Variants in STARD13 observed in about 807,000 individuals in gnomAD.
STARD13 encodes StAR related lipid transfer domain containing 13, also known as stAR-related lipid transfer protein 13.
In STARD13, 62 loss-of-function variants were observed where a neutral mutation model predicts 106.4. That is an observed-to-expected ratio of 0.58 (90% CI 0.48 to 0.72). The LOEUF (loss-of-function observed/expected upper bound fraction) is 0.72, where lower values mean the gene tolerates loss of function less well. Ranked by LOEUF, STARD13 falls within the 30% of genes least tolerant of loss-of-function variation. STARD13 has a pLI of 0.00. For synonymous variants in STARD13, 565 were observed against 553.0 expected, an observed-to-expected ratio of 1.02 and a Z score of -0.31; for missense variants, 1,387 against 1,424.0, an observed-to-expected ratio of 0.97 and a Z score of 0.42.
chr13:33,120,922 G>A (rs1876187620), intron 7 of STARD13, among the ~76,000 whole-genome samples: 2 of 152,094 alleles, frequency 1.3e-5, no homozygotes, highest in Admixed American at 1.3e-4. Flanking sequence ...ACATTTTTTA[G>A]TAGAGACAGG....
intron 1 of STARD13, among the ~76,000 whole-genome samples, chr13:33,255,499 T>C (rs1890318304): frequency 1.3e-5 from 2 of 151,976 alleles, no homozygotes; most frequent in South Asian, 4.2e-4. Context: ...TCTCCCAGCC[T>C]AGTAGATGTG....
At chr13:33,454,271 C>T in the STARD13 span, among the ~76,000 whole-genome samples, 1 of 152,170 alleles carries the variant, frequency 6.6e-6, no homozygotes, top group Non-Finnish European at 1.5e-5. Flanking sequence ...GGAATCTCCA[C>T]TGATCAGGCT....
the STARD13 span, among the ~76,000 whole-genome samples, chr13:33,613,118 T>C: frequency 6.6e-6 from 1 of 152,236 alleles, no homozygotes; most frequent in African/African-American, 2.4e-5. Context: ...CAAAAATGAA[T>C]AGGATGGTTC....
At chr13:33,429,367 C>T in the STARD13 span, among the ~76,000 whole-genome samples, 6 of 152,018 alleles carry the variant, frequency 3.9e-5, no homozygotes, top group Non-Finnish European at 7.4e-5. Context: ...GAGGCCGAGG[C>T]GGGCGGATCA....
the STARD13 span, among the ~76,000 whole-genome samples, chr13:33,359,110 C>T: frequency 2.0e-5 from 3 of 152,198 alleles, no homozygotes; most frequent in Admixed American, 1.3e-4. Context: ...CCAGCATTGG[C>T]AACCCGCTCA....
chr13:33,301,929 CAGAATTAT>C (rs1892736916), intron 1 of STARD13, among the ~76,000 whole-genome samples: 1 of 152,076 alleles, frequency 6.6e-6, no homozygotes, highest in African/African-American at 2.4e-5. Flanking sequence ...AAATTTTTCT[CAGAATTAT>C]AGCCCTTCCT....
intron 1 of STARD13, among the ~76,000 whole-genome samples, chr13:33,321,747 C>T (rs1251114609): frequency 6.6e-6 from 1 of 152,144 alleles, no homozygotes; most frequent in African/African-American, 2.4e-5. Flanking sequence ...TATTGCTGAA[C>T]ATCAGTCCAC....
chr13:33,141,545 C>T (rs1023884110), intron 4 of STARD13, among the ~76,000 whole-genome samples: 5 of 152,088 alleles, frequency 3.3e-5, no homozygotes, highest in Non-Finnish European at 7.4e-5. Context: ...TCGGACTGAA[C>T]CGAATTCCTT....
At chr13:33,602,161 A>G in the STARD13 span, among the ~76,000 whole-genome samples, 2,337 of 149,068 alleles carry the variant, frequency 0.016, 74 homozygotes, top group African/African-American at 0.055. Context: ...ACAAGATCTC[A>G]GCTCGCTGCA....
Position 33,343,604 on chromosome 13 carries a change from T to TAAAAA in STARD13, c.124+6685_124+6686insTTTTT, listed in dbSNP as rs1173728997. On this transcript the variant is annotated intron_variant, in intron 1 of 5. Transcript: ENST00000567873. ...AAAAAAAAAAAAAAAAAAACAAATC[T>TAAAAA]ACAAATCTAGTAGTCCCTCTCCCTA... is the stretch of plus-strand genomic sequence containing the variant. 1.6e-3 allele frequency among the ~76,000 whole-genome samples: 124 copies of TAAAAA among 76,554 alleles called. 12 individuals are homozygous for TAAAAA. The highest frequency in any genetic ancestry group is 4.6e-3 in the African/African-American group (90 of 19,456). The allele number at this position is 76,554 out of a possible 152,430, so 50.2% of individuals were successfully genotyped here. A position where few individuals can be genotyped will look rare whatever the true frequency, so the allele number is the denominator to read the frequency against.
intron 1 of STARD13, among the ~76,000 whole-genome samples, chr13:33,265,764 G>A (rs1890867256): frequency 6.6e-6 from 1 of 151,908 alleles, no homozygotes; most frequent in Non-Finnish European, 1.5e-5. Context: ...CTGTTGTAAG[G>A]TGACCCAGAC....
chr13:33,218,258 C>T (rs1005010498), intron 1 of STARD13, among the ~76,000 whole-genome samples: 7 of 152,192 alleles, frequency 4.6e-5, no homozygotes, highest in Admixed American at 2.6e-4. Context: ...CTATGAGGAA[C>T]ATCTGAGCCC....
At chr13:33,531,801 C>G in the STARD13 span, among the ~76,000 whole-genome samples, 1 of 152,070 alleles carries the variant, frequency 6.6e-6, no homozygotes, top group Non-Finnish European at 1.5e-5. Context: ...ACATCTGTAT[C>G]TTTTTTCTTC....
chr13:33,265,457 A>G (rs1475570584), intron 1 of STARD13, among the ~76,000 whole-genome samples: 1 of 152,208 alleles, frequency 6.6e-6, no homozygotes, highest in Admixed American at 6.5e-5. Context: ...TTACAAATTA[A>G]TCTTGGGGTT....
intron 4 of STARD13, among the ~76,000 whole-genome samples, chr13:33,139,854 G>A (rs1252612917): frequency 6.6e-6 from 1 of 152,108 alleles, no homozygotes; most frequent in Non-Finnish European, 1.5e-5. Context: ...TCTCCTAAGT[G>A]GTTGCTTCAA....
At chr13:33,113,115 G>C (rs536983360) in intron 8 of STARD13, 184 bp from the exon 9 acceptor site, 1 of 553,860 alleles carries the variant, frequency 1.8e-6, no homozygotes, top group South Asian at 2.8e-5. Flanking sequence ...CAGCTCATGG[G>C]AGGCAGAGCT....
At chr13:33,463,940 G>T in the STARD13 span, among the ~76,000 whole-genome samples, 12 of 151,382 alleles carry the variant, frequency 7.9e-5, no homozygotes, top group African/African-American at 2.7e-4. Flanking sequence ...GAACCCAGGA[G>T]GCAGAGGTTG....
upstream of STARD13, among the ~76,000 whole-genome samples, chr13:33,351,785 C>A (rs531658140): frequency 6.6e-6 from 1 of 152,294 alleles, no homozygotes; most frequent in South Asian, 2.1e-4. Context: ...ATTCCAGGTG[C>A]TCCACAGGAA....
chr13:33,435,229 C>T, the STARD13 span, among the ~76,000 whole-genome samples: 3 of 152,112 alleles, frequency 2.0e-5, no homozygotes, highest in African/African-American at 7.2e-5. Context: ...GGAACTTTGC[C>T]CGGAAGAAGT....
Sources: gnomAD v4.1 joint callset for allele counts (sites outside exome capture counted in the v4.1 genomes callset) on GRCh38, gnomAD v4.1.1 for gene constraint, MANE v1.5 for transcripts, NCBI Gene and HGNC (gene_info 2026-07-23, HGNC 2026-07-21) for gene names.